The following ZCCHC14 variants were observed in gnomAD, a reference collection of about 807,000 sequenced individuals.
ZCCHC14 encodes zinc finger CCHC domain-containing protein 14.
ZCCHC14 carries 16 observed loss-of-function variants against 85.0 expected under a neutral mutation model. The ratio of observed to expected loss-of-function variants is 0.19; its 90% CI spans 0.13 to 0.29. The LOEUF (loss-of-function observed/expected upper bound fraction) is 0.29. Ranked by LOEUF, ZCCHC14 falls within the 10% of genes least tolerant of loss-of-function variation. The pLI, the probability that ZCCHC14 is intolerant of heterozygous loss-of-function variation, is 1.00. For synonymous variants in ZCCHC14, 775 were observed against 630.7 expected, an observed-to-expected ratio of 1.23 and a Z score of -3.43; for missense variants, 1,303 against 1,443.5, an observed-to-expected ratio of 0.90 and a Z score of 1.58.
At chr16:87,453,084 A>G (rs1343924673) in intron 2 of ZCCHC14, among the ~76,000 whole-genome samples, 1 of 152,216 alleles carries the variant, frequency 6.6e-6, no homozygotes, top group African/African-American at 2.4e-5. Flanking sequence ...TGGCTTCTGA[A>G]CAAGCTGGAA....
At chr16:87,442,704 C>T (rs1910244181) in intron 2 of ZCCHC14, among the ~76,000 whole-genome samples, 2 of 152,186 alleles carry the variant, frequency 1.3e-5, no homozygotes, top group Non-Finnish European at 1.5e-5. Flanking sequence ...AATCAACACC[C>T]ACACACGTCA....
chr16:87,424,031 T>C, intron 3 of ZCCHC14, 150 bp from the exon 4 acceptor site: 1 of 718,350 alleles, frequency 1.4e-6, no homozygotes, highest in South Asian at 1.9e-5. Flanking sequence ...AAGCATCCCT[T>C]GACTTGTTAC....
chr16:87,455,115 C>T (rs959677958), intron 2 of ZCCHC14, among the ~76,000 whole-genome samples: 2 of 152,156 alleles, frequency 1.3e-5, no homozygotes, highest in Non-Finnish European at 2.9e-5. Context: ...ATGGAGAAAC[C>T]CCATCTCTAC....
chr16:87,447,375 G>C (rs571804082), intron 2 of ZCCHC14, among the ~76,000 whole-genome samples: 15 of 152,244 alleles, frequency 9.9e-5, no homozygotes, highest in African/African-American at 3.1e-4. Context: ...AATTCAATGA[G>C]TTTGGGTACA....
At chr16:87,467,362 G>C in intron 1 of ZCCHC14, 1 of 1,597,432 alleles carries the variant, frequency 6.3e-7, no homozygotes, top group Non-Finnish European at 8.6e-7. Context: ...TGCACCCCTG[G>C]GGTAATTAAG....
chr16:87,458,502 C>G (rs1318533698), intron 2 of ZCCHC14, among the ~76,000 whole-genome samples: 4 of 152,154 alleles, frequency 2.6e-5, no homozygotes, highest in Non-Finnish European at 5.9e-5. Flanking sequence ...CGCAGGGCTG[C>G]AGTAAGGAGT....
rs1359218452 is a variant in ZCCHC14, at chr16:87,490,223, C to A, written c.570+1446G>T. On this transcript the variant is annotated intron_variant, in intron 1 of 12. Transcript: ENST00000671377. Reference sequence around the variant, plus strand: ...ATTAAAAAAGAAAAGCCACAATCTACGATTGAAAGACAGCTTTAAAAACAC... The same window carrying A: ...ATTAAAAAAGAAAAGCCACAATCTAAGATTGAAAGACAGCTTTAAAAACAC... Among the ~76,000 whole-genome samples, 12 of 152,326 alleles carry A rather than the reference C, an allele frequency of 7.9e-5. No homozygotes were observed. In the East Asian group the frequency reaches 2.3e-3, roughly 29 times the overall value.
chr16:87,455,993 C>G (rs1327781799), intron 2 of ZCCHC14, among the ~76,000 whole-genome samples: 1 of 152,222 alleles, frequency 6.6e-6, no homozygotes, highest in Non-Finnish European at 1.5e-5. Context: ...GTGGTATTTT[C>G]AACTTGCAGC....
At chr16:87,478,114 A>G (rs1434123104) in intron 1 of ZCCHC14, among the ~76,000 whole-genome samples, 2 of 152,246 alleles carry the variant, frequency 1.3e-5, no homozygotes, top group South Asian at 2.1e-4. Flanking sequence ...TCCTCAATAC[A>G]CTATTAATGG....
intron 1 of ZCCHC14, among the ~76,000 whole-genome samples, chr16:87,466,328 G>A (rs371618570): frequency 1.3e-5 from 2 of 152,160 alleles, no homozygotes; most frequent in African/African-American, 2.4e-5. Flanking sequence ...ACGTGCTGAC[G>A]CAGTCAGATG....
In ZCCHC14 at chr16:87,417,357, G is replaced by A. The variant is rs560254534; in HGVS notation, c.1383+103C>T. ...GAACAGGCGCTGCGCCTCGGCCTCC[G>A]TACTTCATCCACCTTGTGTTGGTTT... On this transcript the variant is annotated intron_variant, in intron 8 of 12. Transcript: ENST00000671377. 1.6e-4 allele frequency: 243 copies of A among 1,511,186 alleles called. 1 individual carries two copies. The African/African-American group carries it at 2.6e-3, about 16-fold the overall frequency. The allele number at this position is 1,511,186 out of a possible 1,614,324, so 93.6% of individuals were successfully genotyped here.
At chr16:87,419,717 T>G in intron 6 of ZCCHC14, 66 bp downstream of exon 6, 1 of 1,374,546 alleles carries the variant, frequency 7.3e-7, no homozygotes, top group Non-Finnish European at 9.7e-7. Context: ...ATTACAAGCA[T>G]GAGCCACTGC....
chr16:87,440,144 G>A (rs1035803690), intron 2 of ZCCHC14, among the ~76,000 whole-genome samples: 2 of 151,942 alleles, frequency 1.3e-5, no homozygotes, highest in African/African-American at 2.4e-5. Context: ...AAATGCATGC[G>A]ACAGTATGCT....
chr16:87,418,201 T>C lies in ZCCHC14; in HGVS notation c.1101-459A>G, dbSNP rs192135167. 2.4e-3 allele frequency among the ~76,000 whole-genome samples: 370 copies of C among 152,342 alleles called. 2 individuals are homozygous for C. The highest frequency in any genetic ancestry group is 8.3e-3 in the African/African-American group (347 of 41,582). On this transcript the variant is annotated intron_variant, in intron 7 of 12. Transcript: ENST00000671377. ...GACACTGATAAATCATACATCAAAATAGACTATTAAATCTTTAATGTTCAA... is the reference window on the plus strand; with the variant it reads ...GACACTGATAAATCATACATCAAAACAGACTATTAAATCTTTAATGTTCAA...
intron 2 of ZCCHC14, among the ~76,000 whole-genome samples, chr16:87,445,660 G>A (rs565430776): frequency 6.6e-6 from 1 of 152,088 alleles, no homozygotes; most frequent in Non-Finnish European, 1.5e-5. Context: ...TCAAGCCACG[G>A]CGTGTGGGCT....
intron 1 of ZCCHC14, among the ~76,000 whole-genome samples, chr16:87,477,356 T>C (rs952106856): frequency 6.6e-6 from 1 of 152,112 alleles, no homozygotes; most frequent in African/African-American, 2.4e-5. Flanking sequence ...GAGAGGAGCT[T>C]TGTCACCAAG....
intron 6 of ZCCHC14, 65 bp from the exon 7 acceptor site, chr16:87,418,966 T>G: frequency 6.8e-7 from 1 of 1,459,920 alleles, no homozygotes; most frequent in Non-Finnish European, 9.3e-7. Context: ...TTTATTTTAT[T>G]ATTTTTTGAG....
chr16:87,479,047 T>C (rs1251595260), intron 1 of ZCCHC14, among the ~76,000 whole-genome samples: 2 of 152,226 alleles, frequency 1.3e-5, no homozygotes, highest in African/African-American at 4.8e-5. Flanking sequence ...AACAGTTTAA[T>C]CTTTTTTCAA....
intron 1 of ZCCHC14, chr16:87,467,264 A>G: frequency 1.3e-6 from 2 of 1,577,638 alleles, no homozygotes; most frequent in Non-Finnish European, 1.7e-6. Context: ...TAAACCCAAA[A>G]TTAAGGATAA....
Sources: gnomAD v4.1 joint callset for allele counts (sites outside exome capture counted in the v4.1 genomes callset) on GRCh38, gnomAD v4.1.1 for gene constraint, MANE v1.5 for transcripts, NCBI Gene and HGNC (gene_info 2026-07-23, HGNC 2026-07-21) for gene names.